Variants in CCDC187 observed in about 807,000 individuals in gnomAD.
CCDC187 encodes the protein coiled-coil domain-containing protein 187.
CCDC187 carries 32 observed loss-of-function variants against 38.0 expected under a neutral mutation model. The ratio of observed to expected loss-of-function variants is 0.84; its 90% CI spans 0.64 to 1.13. The LOEUF (loss-of-function observed/expected upper bound fraction) is 1.13. Ranked by LOEUF, CCDC187 falls within the 50% of genes most tolerant of loss-of-function variation. The pLI, the probability that CCDC187 is intolerant of heterozygous loss-of-function variation, is 0.00. For missense variants in CCDC187, 707 were observed against 786.8 expected (o/e 0.90, Z 1.21); for synonymous variants, 333 against 347.9 (o/e 0.96, Z 0.48).
intron 7 of CCDC187, 69 bp from the exon 8 acceptor site, chr9:136,286,764 G>A (rs1009686988): frequency 4.5e-5 from 18 of 398,216 alleles, no homozygotes; most frequent in East Asian, 1.8e-4. Context: ...GAAAGCACGC[G>A]TGTTTTGCAG....
intron 10 of CCDC187, chr9:136,281,203 ACACT>A (rs1588661743): frequency 2.6e-6 from 1 of 387,996 alleles, no homozygotes; most frequent in African/African-American, 2.1e-5. Flanking sequence ...CCGGATGAAA[ACACT>A]CAGTAGCAGA....
intron 4 of CCDC187, among the ~76,000 whole-genome samples, chr9:136,294,394 A>G (rs1442559213): frequency 2.6e-5 from 4 of 152,074 alleles, no homozygotes; most frequent in African/African-American, 9.7e-5. Context: ...AACACCACAC[A>G]TGCCAAGGGT....
chr9:136,273,891 T>C (rs1321569131), intron 14 of CCDC187, among the ~76,000 whole-genome samples: 3 of 152,254 alleles, frequency 2.0e-5, no homozygotes, highest in African/African-American at 7.2e-5. Flanking sequence ...GCATCTGCCA[T>C]GATCACACTG....
intron 2 of CCDC187, among the ~76,000 whole-genome samples, chr9:136,301,884 G>A (rs1314222619): frequency 1.1e-4 from 17 of 152,008 alleles, no homozygotes; most frequent in Non-Finnish European, 2.4e-4. Context: ...CACCGCTCCC[G>A]GACTACATAT....
chr9:136,278,368 G>A (rs1408706584), intron 10 of CCDC187, among the ~76,000 whole-genome samples: 2 of 152,170 alleles, frequency 1.3e-5, no homozygotes, highest in Admixed American at 6.5e-5. Context: ...GACATGGGGG[G>A]ACATGAGCTG....
chr9:136,291,078 G>A lies in CCDC187; in HGVS notation c.1535C>T (p.Pro512Leu), dbSNP rs1831315606. 5 of 398,008 alleles carry A rather than the reference G, an allele frequency of 1.3e-5. No individual in the cohort carries two copies. The highest frequency in any genetic ancestry group is 2.2e-5 in the Non-Finnish European group (5 of 226,004). The allele number at this position is 398,008 out of a possible 1,614,324, so 24.7% of individuals were successfully genotyped here. ...QRAWGAQRQG[P>L]SSQRPGSPPE... ...GGGGCTCCCAGGCCTCTGGGAGGAG[G>A]GGCCCTGTCTTTGGGCCCCCCAGGC... The change falls in exon 6 of 26, where the codon CCC (proline) becomes CTC (leucine). Residue 512 changes from proline (P) to leucine (L), a missense_variant. Coordinates refer to ENST00000638797, the MANE Select transcript of CCDC187 (RefSeq NM_001378188.1).
At position 136,281,531 on chromosome 9, in the gene CCDC187, G is replaced by A; in HGVS notation, c.3040+20C>T. 1 of 398,658 alleles carries A rather than the reference G, an allele frequency of 2.5e-6. No homozygotes were observed. Among genetic ancestry groups the A allele is most frequent in the Non-Finnish European group, 4.4e-6 (1 of 226,086 alleles). 24.7% of individuals were successfully genotyped at this position (398,658 alleles called of 1,614,324 possible). On this transcript the variant is annotated intron_variant, in intron 10 of 25. Transcript: ENST00000638797. ...CACCCGACCAGCCAGCCCAGGGCCT[G>A]TCCGCAGGGTCGCCCTTACCGCAGC...
rs1830579663 is a variant in CCDC187, at chr9:136,253,858, G to A, written c.5970C>T (p.Pro1990=). 6.1e-6 allele frequency: 6 copies of A among 985,164 alleles called. No homozygotes were observed. The highest frequency in any genetic ancestry group is 7.2e-6 in the Non-Finnish European group (6 of 829,866). 61.0% of individuals were successfully genotyped at this position (985,164 alleles called of 1,614,324 possible). A position where few individuals can be genotyped will look rare whatever the true frequency, so the allele number is the denominator to read the frequency against. The change falls in exon 26 of 26, where the codon CCC becomes CCT. Residue 1990 remains proline (P), a synonymous_variant. Transcript: ENST00000638797. The part of the protein sequence containing the change: ...AGDVLTEILS[P]VDELLSYGSA... ...TGCCGTAGGACAGCAACTCGTCCAC[G>A]GGAGACAGGATCTCAGTCAAGACGT...
At chr9:136,305,953 G>A (rs904939209), upstream of CCDC187, among the ~76,000 whole-genome samples, 2 of 152,178 alleles carry the variant, frequency 1.3e-5, no homozygotes, top group Non-Finnish European at 2.9e-5. Context: ...TCCCGAAGGC[G>A]GGTCCACCTG....
chr9:136,271,606 CTTTT>C (rs1272090795), intron 14 of CCDC187, among the ~76,000 whole-genome samples: 2 of 131,172 alleles, frequency 1.5e-5, no homozygotes, highest in Admixed American at 8.1e-5. Context: ...AAGAGAAAGT[CTTTT>C]TTTTTTTTTT....
At chr9:136,295,726 T>C (rs924772696) in intron 4 of CCDC187, 4 of 152,246 alleles carry the variant, frequency 2.6e-5, no homozygotes, top group Non-Finnish European at 5.9e-5. Flanking sequence ...TGGTCAACAC[T>C]GTCAGGGTGA....
chr9:136,285,628 C>T (rs1831160877), intron 8 of CCDC187, 22 bp from the exon 9 acceptor site: 1 of 400,098 alleles, frequency 2.5e-6, no homozygotes, highest in East Asian at 3.6e-5. Context: ...GGGCACCTGG[C>T]TTCACTCCCT....
intron 3 of CCDC187, among the ~76,000 whole-genome samples, chr9:136,299,115 A>G (rs1018789172): frequency 6.6e-6 from 1 of 152,178 alleles, no homozygotes; most frequent in Non-Finnish European, 1.5e-5. Flanking sequence ...TCCCCCTGGA[A>G]GGCGGAGGAG....
At chr9:136,293,398 CT>C (rs1831414395) in intron 4 of CCDC187, among the ~76,000 whole-genome samples, 2 of 75,806 alleles carry the variant, frequency 2.6e-5, no homozygotes, top group Non-Finnish European at 3.0e-5. Flanking sequence ...TGCTCACACA[CT>C]CACAAACACT....
Position 136,267,385 on chromosome 9 carries a change from C to T in CCDC187, c.3646G>A (p.Gly1216Arg), listed in dbSNP as rs1195315464. Residue 1216 changes from glycine (G) to arginine (R), a missense_variant and splice_region_variant, in exon 16 of 26, where the codon GGG becomes AGG. Physicochemically the swap from Gly to Arg is moderately radical, Grantham distance 125. Transcript: ENST00000638797. Reference sequence around the variant, plus strand: ...CCGGCGCCAGGCGCATGCGCTCACCCTCGTCGATGCTCCAGCCAGGCCAGC... The same window carrying T: ...CCGGCGCCAGGCGCATGCGCTCACCTTCGTCGATGCTCCAGCCAGGCCAGC... ...AELAWLEHRR[G>R]CLDSKRDRAV... 1.1e-5 allele frequency: 11 copies of T among 985,440 alleles called. No individual in the cohort carries two copies. The African/African-American group carries it at 1.9e-4, about 17-fold the overall frequency. 61.0% of individuals were successfully genotyped at this position (985,440 alleles called of 1,614,324 possible).
Position 136,263,797 on chromosome 9 carries a change from C to T in CCDC187, c.3737G>A (p.Arg1246Lys). ...QALSRLEKEQ[R>K]EIQYLRHTQL... ...CGTGTGTCTCAGGTATTGGATTTCC[C>T]TCTGAGCAGGCAAAATAAGCAGATG... The change falls in exon 18 of 26, where the codon AGG (arginine) becomes AAG (lysine). Residue 1246 changes from arginine (R) to lysine (K), a missense_variant and splice_region_variant. Coordinates refer to ENST00000638797, the MANE Select transcript of CCDC187 (RefSeq NM_001378188.1). The T allele has an allele frequency of 1.0e-6, 1 of 985,504 alleles. No homozygotes were observed. Among genetic ancestry groups the T allele is most frequent in the African/African-American group, 1.7e-5 (1 of 57,368 alleles). 61.0% of individuals were successfully genotyped at this position (985,504 alleles called of 1,614,324 possible).
rs1165095120 is a variant in CCDC187 at position 136,281,312 on chromosome 9, GCACGTGGGTCTCATC to G, written c.3040+224_3040+238del. On this transcript the variant is annotated intron_variant, in intron 10 of 25. Transcript: ENST00000638797. ...ACGGGGCATGGCTGTCATGAAATAAGCACGTGGGTCTCATCCACCGAGGGCCCATCACTGCAGGTG... is the reference window on the plus strand; with the variant it reads ...ACGGGGCATGGCTGTCATGAAATAAGCACCGAGGGCCCATCACTGCAGGTG... The G allele has an allele frequency of 2.2e-4, 86 of 397,904 alleles. No homozygotes were observed. In the East Asian group the frequency reaches 2.9e-3, roughly 14 times the overall value. 24.6% of individuals were successfully genotyped at this position (397,904 alleles called of 1,614,324 possible).
At chr9:136,297,559 C>A (rs1831566386) in intron 4 of CCDC187, among the ~76,000 whole-genome samples, 155 bp downstream of exon 4, 1 of 152,118 alleles carries the variant, frequency 6.6e-6, no homozygotes, top group Non-Finnish European at 1.5e-5. Flanking sequence ...TCCAGCCGGG[C>A]CTGCCGATCC....
chr9:136,292,789 T>G lies in CCDC187; in HGVS notation c.833-494A>C, dbSNP rs908464188. Among the ~76,000 whole-genome samples, 736 of 152,218 alleles carry G rather than the reference T, an allele frequency of 4.8e-3. 7 individuals carry two copies. The highest frequency in any genetic ancestry group is 0.017 in the African/African-American group (697 of 41,526). ...CCACGTGTGCCGAGCCACAGGAGAT[T>G]AACCTGCTTTTAAGCCAGCAGAGCC... On this transcript the variant is annotated intron_variant, in intron 4 of 25. Transcript: ENST00000638797.
Sources: allele counts gnomAD v4.1 joint callset (sites outside exome capture counted in the v4.1 genomes callset), GRCh38; gene constraint gnomAD v4.1.1; transcripts MANE v1.5; gene names NCBI Gene and HGNC (gene_info 2026-07-23, HGNC 2026-07-21).